The following ATP10A variants were observed in gnomAD, a reference collection of about 807,000 sequenced individuals.
The protein encoded by ATP10A is phospholipid-transporting ATPase VA.
In ATP10A, 111 loss-of-function variants were observed where a neutral mutation model predicts 147.8. That is an observed-to-expected ratio of 0.75 (90% CI 0.64 to 0.88). The LOEUF (loss-of-function observed/expected upper bound fraction) is 0.88. Among genes scored for constraint, ATP10A ranks in the 40% least tolerant of loss-of-function variants. The pLI, the probability that ATP10A is intolerant of heterozygous loss-of-function variation, is 0.00. For missense variants in ATP10A, 1,927 were observed against 1,959.0 expected (o/e 0.98, Z 0.31); for synonymous variants, 875 against 841.6 (o/e 1.04, Z -0.69).
At chr15:25,764,504 C>G (rs1398531454) in intron 2 of ATP10A, among the ~76,000 whole-genome samples, 4 of 152,102 alleles carry the variant, frequency 2.6e-5, no homozygotes, top group Non-Finnish European at 5.9e-5. Context: ...GACACTCACT[C>G]GAAGTTCTGC....
At position 25,727,236 on chromosome 15, in the gene ATP10A, C is replaced by T; in HGVS notation, c.771G>A (p.Leu257=). 6.2e-7 allele frequency: 1 copy of T among 1,614,112 alleles called. No homozygotes were observed. The highest frequency in any genetic ancestry group is 8.5e-7 in the Non-Finnish European group (1 of 1,180,002). The stretch of plus-strand genomic sequence containing the variant: ...CCCTCAGCAGCAGGTTTTCTTTATA[C>T]AGCCCGGCCTTTTTCCCGTTGTCAT... The part of the protein sequence containing the change: ...IIHDNGKKAG[L]YKENLLLRGC... The change falls in exon 4 of 21, where the codon CTG becomes CTA. Residue 257 remains leucine, a synonymous_variant. Transcript: ENST00000555815.
At chr15:25,758,790 G>T (rs76031539) in intron 2 of ATP10A, among the ~76,000 whole-genome samples, 9 of 115,236 alleles carry the variant, frequency 7.8e-5, no homozygotes, top group African/African-American at 2.6e-4. Context: ...AACTCATTCC[G>T]ACCACCTGCT....
intron 1 of ATP10A, among the ~76,000 whole-genome samples, chr15:25,809,072 T>A (rs1876237994): frequency 6.6e-6 from 1 of 152,142 alleles, no homozygotes; most frequent in African/African-American, 2.4e-5. Flanking sequence ...GGGGACATGA[T>A]GCTTAAGTGA....
At position 25,857,306 on chromosome 15, in the gene ATP10A, G is replaced by C. The variant is rs566444917; in HGVS notation, c.449+5342C>G. On this transcript the variant is annotated intron_variant, in intron 1 of 20. Transcript: ENST00000555815. Reference sequence around the variant, plus strand: ...GAAATTTTTAAGAAAAATTAGCCAGGTGTGGTGGCGTGCACCCGTGGTCCC... The same window carrying C: ...GAAATTTTTAAGAAAAATTAGCCAGCTGTGGTGGCGTGCACCCGTGGTCCC... Among the ~76,000 whole-genome samples the C allele has an allele frequency of 5.5e-4, 84 of 152,258 alleles. 1 individual carries two copies. Among genetic ancestry groups the C allele is most frequent in the African/African-American group, 1.7e-3 (70 of 41,550 alleles).
intron 9 of ATP10A, 52 bp downstream of exon 9, chr15:25,716,677 TG>T (rs1237901044): frequency 6.9e-7 from 1 of 1,456,960 alleles, no homozygotes; most frequent in Non-Finnish European, 9.2e-7. Flanking sequence ...CTGACAACCA[TG>T]GCCCGCAGCG....
chr15:25,742,146 G>C (rs1291494353), intron 2 of ATP10A, among the ~76,000 whole-genome samples: 2 of 120,408 alleles, frequency 1.7e-5, no homozygotes, highest in Admixed American at 8.5e-5. Flanking sequence ...ACGTCACACA[G>C]CATGTGACGG....
At position 25,862,902 on chromosome 15, in the gene ATP10A, C is replaced by G. The variant is rs1893835259; in HGVS notation, c.195G>C (p.Lys65Asn). 2 of 1,610,176 alleles carry G rather than the reference C, an allele frequency of 1.2e-6. No individual in the cohort carries two copies. The highest frequency in any genetic ancestry group is 2.2e-5 in the East Asian group (1 of 44,672). ...AGGACAGCAGCGTGTACTTGGTAGTCTTGAGCCGGTTGTCGGCCAGGTGCT... is the reference window on the plus strand; with the variant it reads ...AGGACAGCAGCGTGTACTTGGTAGTGTTGAGCCGGTTGTCGGCCAGGTGCT... The part of the protein sequence containing the change: ...CAQHLADNRL[K>N]TTKYTLLSFL... The change falls in exon 1 of 21, where the codon AAG becomes AAC. Residue 65 changes from lysine to asparagine, a missense_variant. By Grantham distance (94) the Lys-to-Asn change is moderately conservative (BLOSUM62 0). Transcript: ENST00000555815.
At chr15:25,743,112 C>T (rs1428659722) in intron 2 of ATP10A, among the ~76,000 whole-genome samples, 2 of 152,118 alleles carry the variant, frequency 1.3e-5, no homozygotes, top group African/African-American at 4.8e-5. Flanking sequence ...ATAAAAGGGA[C>T]CCTAAAGGCA....
intron 5 of ATP10A, among the ~76,000 whole-genome samples, chr15:25,725,448 C>T (rs971663615): frequency 1.3e-5 from 2 of 152,134 alleles, no homozygotes; most frequent in African/African-American, 4.8e-5. Context: ...ACCAACCCCC[C>T]ATGGATACCG....
chr15:25,681,454 C>G (rs1041235796), intron 17 of ATP10A, among the ~76,000 whole-genome samples: 1 of 152,178 alleles, frequency 6.6e-6, no homozygotes, highest in Admixed American at 6.5e-5. Flanking sequence ...TAGCTTACTA[C>G]AGCACACACA....
intron 17 of ATP10A, among the ~76,000 whole-genome samples, chr15:25,681,553 G>A (rs1899410956): frequency 6.6e-6 from 1 of 152,120 alleles, no homozygotes; most frequent in Non-Finnish European, 1.5e-5. Context: ...CACCTCGAAT[G>A]ACATTTCCTA....
intron 1 of ATP10A, among the ~76,000 whole-genome samples, chr15:25,783,913 C>A (rs966905590): frequency 6.6e-6 from 1 of 152,166 alleles, no homozygotes; most frequent in Non-Finnish European, 1.5e-5. Context: ...TTCCTCAGGC[C>A]CCAGCCCGAG....
intron 9 of ATP10A, 92 bp from the exon 10 acceptor site, chr15:25,714,333 G>A (rs1901644269): frequency 1.7e-6 from 2 of 1,188,220 alleles, no homozygotes; most frequent in Admixed American, 5.0e-5. Flanking sequence ...CAGGCACTTG[G>A]AGGAACAATG....
chr15:25,760,939 A>G (rs1467619286), intron 2 of ATP10A, among the ~76,000 whole-genome samples: 1 of 152,232 alleles, frequency 6.6e-6, no homozygotes, highest in African/African-American at 2.4e-5. Context: ...AGAATGAAAG[A>G]CTAAGTCTTT....
intron 16 of ATP10A, among the ~76,000 whole-genome samples, chr15:25,685,872 A>G (rs1310561129): frequency 6.6e-6 from 1 of 151,344 alleles, no homozygotes; most frequent in African/African-American, 2.4e-5. Flanking sequence ...TTGCTCAAGA[A>G]CCCACAGCTA....
At chr15:25,833,274 C>T (rs905419459) in intron 1 of ATP10A, among the ~76,000 whole-genome samples, 5 of 151,976 alleles carry the variant, frequency 3.3e-5, no homozygotes, top group African/African-American at 9.7e-5. Context: ...TGAGCCACTG[C>T]GCCGGGCCCA....
intron 2 of ATP10A, among the ~76,000 whole-genome samples, chr15:25,757,726 AAATTTCTTTTCAAAG>A (rs1425920694): frequency 6.6e-6 from 1 of 152,228 alleles, no homozygotes; most frequent in Non-Finnish European, 1.5e-5. Flanking sequence ...TATGAGTTCT[AAATTTCTTTTCAAAG>A]AATTAATGTC....
intron 1 of ATP10A, among the ~76,000 whole-genome samples, chr15:25,858,317 T>C (rs1302669024): frequency 6.6e-6 from 1 of 152,070 alleles, no homozygotes; most frequent in East Asian, 1.9e-4. Flanking sequence ...AGGGGAAAGA[T>C]GTGTTGACTG....
At chr15:25,759,401 T>G (rs1888631847) in intron 2 of ATP10A, among the ~76,000 whole-genome samples, 1 of 152,116 alleles carries the variant, frequency 6.6e-6, no homozygotes, top group Non-Finnish European at 1.5e-5. Context: ...AATTAGAAAA[T>G]TTAAGTTTTT....
Sources: gnomAD v4.1 joint callset for allele counts (sites outside exome capture counted in the v4.1 genomes callset) on GRCh38, gnomAD v4.1.1 for gene constraint, MANE v1.5 for transcripts, NCBI Gene and HGNC (gene_info 2026-07-23, HGNC 2026-07-21) for gene names.